The following FGD3 variants were observed in gnomAD, a reference collection of about 807,000 sequenced individuals.
FGD3 encodes the protein FYVE, RhoGEF and PH domain containing 3, also known as FYVE, RhoGEF and PH domain-containing protein 3.
In FGD3, 45 loss-of-function variants were observed where a neutral mutation model predicts 71.8. That is an observed-to-expected ratio of 0.63 (90% CI 0.49 to 0.80). FGD3 has a LOEUF of 0.80. Among genes scored for constraint, FGD3 ranks in the 30% least tolerant of loss-of-function variants. The pLI is 0.00. For synonymous variants in FGD3, 378 were observed against 392.8 expected, an observed-to-expected ratio of 0.96 and a Z score of 0.44; for missense variants, 844 against 951.5, an observed-to-expected ratio of 0.89 and a Z score of 1.49.
chr9:93,022,994 C>T lies in FGD3; in HGVS notation c.1557+605C>T, dbSNP rs1453290336. On this transcript the variant is annotated intron_variant, in intron 14 of 17. Coordinates refer to ENST00000375482, the MANE Select transcript of FGD3 (RefSeq NM_001083536.2). ...GAACTGGGATAAGGCCTGCCTCCCT[C>T]CGTTTAATCTGGGAAGTTAAAGAGG... 3.3e-5 allele frequency among the ~76,000 whole-genome samples: 5 copies of T among 152,304 alleles called. No homozygotes were observed. The East Asian group carries it at 9.7e-4, about 29-fold the overall frequency.
At position 93,032,807 on chromosome 9, in the gene FGD3, C is replaced by G; in HGVS notation, c.1719C>G (p.Asn573Lys). The change falls in exon 16 of 18, where the codon AAC becomes AAG. Residue 573 changes from asparagine (N) to lysine (K), a missense_variant. By Grantham distance (94) the Asn-to-Lys change is moderately conservative. Coordinates refer to ENST00000375482, the MANE Select transcript of FGD3 (RefSeq NM_001083536.2). ...CGKCSEFKAE[N>K]SRQSRVCRDC... is the part of the protein sequence containing the mutation. ...AGTGCTCCGAGTTCAAGGCCGAGAA[C>G]AGCCGGCAGAGCCGTGTCTGCAGAG... 6.2e-7 allele frequency: 1 copy of G among 1,614,254 alleles called. No individual in the cohort carries two copies. Among genetic ancestry groups the G allele is most frequent in the Middle Eastern group, 1.6e-4 (1 of 6,062 alleles).
chr9:93,025,013 C>T (rs371919815), intron 14 of FGD3, among the ~76,000 whole-genome samples: 19 of 152,184 alleles, frequency 1.2e-4, no homozygotes, highest in African/African-American at 4.1e-4. Flanking sequence ...CCCTATTGGC[C>T]GCCTGCCTCC....
intron 9 of FGD3, among the ~76,000 whole-genome samples, chr9:93,014,265 AC>A (rs1861568377): frequency 6.8e-6 from 1 of 147,396 alleles, no homozygotes; most frequent in Non-Finnish European, 1.5e-5. Flanking sequence ...CGTAGCCCAT[AC>A]CTCTTTCGTC....
chr9:92,963,259 C>T (rs1457213290), intron 1 of FGD3, among the ~76,000 whole-genome samples: 1 of 152,218 alleles, frequency 6.6e-6, no homozygotes, highest in African/African-American at 2.4e-5. Flanking sequence ...GCACCTGGCA[C>T]AGGGAAACTG....
intron 1 of FGD3, among the ~76,000 whole-genome samples, chr9:92,968,636 C>T (rs1200798795): frequency 3.4e-5 from 5 of 147,742 alleles, no homozygotes; most frequent in Non-Finnish European, 7.4e-5. Context: ...CGGAGTCTCA[C>T]TCTGTGGCCC....
chr9:92,998,876 G>A (rs1860748587), intron 3 of FGD3, among the ~76,000 whole-genome samples: 1 of 152,110 alleles, frequency 6.6e-6, no homozygotes, highest in Non-Finnish European at 1.5e-5. Context: ...GGTGTCAGTC[G>A]GCCCCTACTG....
chr9:92,972,467 A>T (rs1587820675), intron 1 of FGD3, among the ~76,000 whole-genome samples: 1 of 152,170 alleles, frequency 6.6e-6, no homozygotes, highest in East Asian at 1.9e-4. Flanking sequence ...AAAAAAAAAA[A>T]AAAAGGTCTG....
intron 13 of FGD3, 44 bp from the exon 14 acceptor site, chr9:93,022,283 T>A: frequency 6.3e-7 from 1 of 1,585,546 alleles, no homozygotes. Context: ...AGTGGCTGCG[T>A]GGCCCTGGAA....
At chr9:92,987,107 T>C (rs1486117080) in intron 3 of FGD3, among the ~76,000 whole-genome samples, 1 of 152,210 alleles carries the variant, frequency 6.6e-6, no homozygotes, top group East Asian at 1.9e-4. Flanking sequence ...ATAGGCAGTA[T>C]GGGTTTTTGG....
chr9:93,006,998 A>T (rs1013730964), intron 6 of FGD3, among the ~76,000 whole-genome samples: 5 of 151,888 alleles, frequency 3.3e-5, no homozygotes, highest in Admixed American at 3.3e-4. Context: ...AAGTGCTGGG[A>T]TTACAGGCGT....
At chr9:93,022,262 C>T (rs572312870) in intron 13 of FGD3, 65 bp from the exon 14 acceptor site, 3 of 1,516,560 alleles carry the variant, frequency 2.0e-6, no homozygotes, top group Middle Eastern at 1.7e-4. Flanking sequence ...GGAACTGTCC[C>T]CCCGCTGCAC....
intron 7 of FGD3, 44 bp from the exon 8 acceptor site, chr9:93,011,169 CG>C (rs775624238): frequency 6.2e-7 from 1 of 1,603,930 alleles, no homozygotes; most frequent in South Asian, 1.1e-5. Flanking sequence ...CAAGCAAAAA[CG>C]GAGCCACCGT....
intron 8 of FGD3, among the ~76,000 whole-genome samples, chr9:93,011,593 C>T (rs999904076): frequency 3.3e-5 from 5 of 152,222 alleles, no homozygotes; most frequent in African/African-American, 1.2e-4. Context: ...CGCGGTTGCT[C>T]ATTCCTATAA....
At chr9:93,030,721 G>T (rs1020070928) in intron 15 of FGD3, among the ~76,000 whole-genome samples, 2 of 129,958 alleles carry the variant, frequency 1.5e-5, no homozygotes, top group Non-Finnish European at 3.5e-5. Context: ...GGGGCAGCAG[G>T]GGGGGGGGAA....
intron 8 of FGD3, among the ~76,000 whole-genome samples, chr9:93,012,101 C>G (rs1211859583): frequency 6.7e-6 from 1 of 150,176 alleles, no homozygotes; most frequent in Non-Finnish European, 1.5e-5. Flanking sequence ...TTGCAGTGAG[C>G]CGAGATCGCG....
chr9:92,995,229 T>G (rs1283209051), intron 3 of FGD3, among the ~76,000 whole-genome samples: 1 of 152,204 alleles, frequency 6.6e-6, no homozygotes, highest in African/African-American at 2.4e-5. Context: ...TTATTCCCTT[T>G]GAAGCAATTG....
chr9:92,969,346 G>C lies in FGD3; in HGVS notation c.-217-5892G>C, dbSNP rs758239073. On this transcript the variant is annotated intron_variant, in intron 1 of 17. Transcript: ENST00000375482. This position sits in a 1 kb window ranked among gnomAD's most constrained non-coding sequence, Gnocchi z 4.5. ...GTGAGGTGCTGGCTTCCAAGTGTGA[G>C]AGCCCAGAGCTGTCTTCCCTCCTGA... Among the ~76,000 whole-genome samples, 3 of 152,222 alleles carry C rather than the reference G, an allele frequency of 2.0e-5. No individual in the cohort carries two copies. The highest frequency in any genetic ancestry group is 4.4e-5 in the Non-Finnish European group (3 of 68,034).
intron 1 of FGD3, among the ~76,000 whole-genome samples, chr9:92,960,836 T>G (rs74677675): frequency 0.049 from 7,405 of 152,162 alleles, 335 homozygotes; most frequent in East Asian, 0.24. Flanking sequence ...TCCTGGTAAG[T>G]GGGTGTTCCC....
intron 13 of FGD3, 114 bp from the exon 14 acceptor site, chr9:93,022,213 C>A: frequency 9.7e-7 from 1 of 1,027,632 alleles, no homozygotes; most frequent in Non-Finnish European, 1.4e-6. Flanking sequence ...ATCCTGCTCC[C>A]GAGCCTGCCC....
Sources: gnomAD v4.1 joint callset for allele counts (sites outside exome capture counted in the v4.1 genomes callset) on GRCh38, gnomAD v4.1.1 for gene constraint, Gnocchi (gnomAD v3.1) non-coding constraint, MANE v1.5 for transcripts, NCBI Gene and HGNC (gene_info 2026-07-23, HGNC 2026-07-21) for gene names.